CTIF: variants seen among roughly 807,000 people sequenced by gnomAD.
CTIF encodes CBP80/20-dependent translation initiation factor.
A neutral mutation model predicts 66.0 loss-of-function variants in CTIF; 21 were observed. The ratio of observed to expected loss-of-function variants is 0.32; its 90% CI spans 0.23 to 0.46. The LOEUF is 0.46. CTIF is among the 20% of genes least tolerant of loss of function. The pLI is 1.00. For synonymous variants in CTIF, 345 were observed against 326.4 expected (o/e 1.06, Z -0.62); for missense variants, 739 against 812.7 (o/e 0.91, Z 1.10).
intron 6 of CTIF, among the ~76,000 whole-genome samples, chr18:48,697,145 G>T (rs2092019901): frequency 6.6e-6 from 1 of 152,196 alleles, no homozygotes. Context: ...CAGTAAGAAT[G>T]GCCCAACTCT....
chr18:48,854,018 C>G (rs771725965), intron 10 of CTIF, among the ~76,000 whole-genome samples: 2 of 152,192 alleles, frequency 1.3e-5, no homozygotes, highest in African/African-American at 4.8e-5. Context: ...ACCTTCTACC[C>G]TTCCTTTTAA....
At chr18:48,801,965 C>G (rs1282223248) in intron 9 of CTIF, among the ~76,000 whole-genome samples, 3 of 152,262 alleles carry the variant, frequency 2.0e-5, no homozygotes, top group African/African-American at 7.2e-5. Flanking sequence ...GCTTCAGTTT[C>G]TCACATAGCA....
At chr18:48,764,197 C>T (rs899313159) in intron 9 of CTIF, among the ~76,000 whole-genome samples, 10 of 152,230 alleles carry the variant, frequency 6.6e-5, no homozygotes, top group Non-Finnish European at 1.3e-4. Flanking sequence ...CCTGTCCCAG[C>T]ACCTCTCATC....
intron 1 of CTIF, among the ~76,000 whole-genome samples, chr18:48,602,904 G>A (rs2090120275): frequency 6.6e-6 from 1 of 150,532 alleles, no homozygotes; most frequent in African/African-American, 2.5e-5. Context: ...TGGGTGGATG[G>A]ATGGGTGGAT....
At chr18:48,559,370 TAACA>T (rs1568031698) in intron 1 of CTIF, among the ~76,000 whole-genome samples, 1 of 152,098 alleles carries the variant, frequency 6.6e-6, no homozygotes, top group Non-Finnish European at 1.5e-5. Flanking sequence ...CCCCCAATCC[TAACA>T]AACAAAAGAA....
At chr18:48,839,911 TC>T (rs1188573534) in intron 10 of CTIF, among the ~76,000 whole-genome samples, 1 of 152,106 alleles carries the variant, frequency 6.6e-6, no homozygotes, top group Non-Finnish European at 1.5e-5. Context: ...AGCCATGCTT[TC>T]TTTCAAATCC....
At chr18:48,727,760 A>G (rs1471691523) in intron 7 of CTIF, among the ~76,000 whole-genome samples, 1 of 152,192 alleles carries the variant, frequency 6.6e-6, no homozygotes, top group Non-Finnish European at 1.5e-5. Flanking sequence ...ACTGAATAGT[A>G]CTCTGAGGCA....
rs759987049 is a variant in CTIF, at chr18:48,664,537, C to G, written c.417C>G (p.His139Gln). Residue 139 changes from histidine to glutamine, a missense_variant, in exon 5 of 12, where the codon CAC becomes CAG. By Grantham distance (24) the His-to-Gln change is conservative (BLOSUM62 0). Coordinates refer to ENST00000256413, the MANE Select transcript of CTIF (RefSeq NM_014772.3). ...VRHTPKQPLP[H>Q]IDREGCGKGK... ...ACACGCCCAAGCAGCCCCTGCCACA[C>G]ATCGACCGCGAAGGGTAAGGGGTGC... 6.2e-6 allele frequency: 10 copies of G among 1,611,900 alleles called. No homozygotes were observed. The African/African-American group carries it at 1.3e-4, about 22-fold the overall frequency.
intron 10 of CTIF, among the ~76,000 whole-genome samples, chr18:48,830,737 C>CAT (rs1365607060): frequency 2.0e-5 from 3 of 151,562 alleles, no homozygotes; most frequent in African/African-American, 7.3e-5. Context: ...CTCAGACCCC[C>CAT]CCCCGACCAC....
At chr18:48,698,864 G>A (rs983417853) in intron 6 of CTIF, among the ~76,000 whole-genome samples, 4 of 152,194 alleles carry the variant, frequency 2.6e-5, no homozygotes, top group African/African-American at 9.7e-5. Flanking sequence ...CCTTGGTAGA[G>A]TGGAAGTTCC....
chr18:48,664,905 C>CTT (rs1321412907), intron 5 of CTIF, among the ~76,000 whole-genome samples: 3 of 62,686 alleles, frequency 4.8e-5, no homozygotes, highest in Admixed American at 2.4e-4. Flanking sequence ...CTGTGTGTTT[C>CTT]TTTCTTTTTT....
intron 1 of CTIF, among the ~76,000 whole-genome samples, chr18:48,585,133 T>G (rs890783874): frequency 7.9e-5 from 12 of 152,240 alleles, no homozygotes; most frequent in Non-Finnish European, 1.3e-4. Flanking sequence ...GAACAATGTG[T>G]AGCCACATTT....
chr18:48,833,008 G>T (rs1258998340), intron 10 of CTIF, among the ~76,000 whole-genome samples: 4 of 152,082 alleles, frequency 2.6e-5, no homozygotes, highest in Admixed American at 2.6e-4. Flanking sequence ...TACTTTTTTT[G>T]GAAATGTTAG....
chr18:48,598,785 A>G (rs2090034344), intron 1 of CTIF, among the ~76,000 whole-genome samples: 2 of 152,248 alleles, frequency 1.3e-5, no homozygotes, highest in South Asian at 4.1e-4. Context: ...TGAAGTATTC[A>G]GCATGGGCCA....
Position 48,859,413 on chromosome 18 carries a change from C to T in CTIF, c.1651C>T (p.Arg551Trp). The T allele has an allele frequency of 6.2e-7, 1 of 1,614,126 alleles. No individual in the cohort carries two copies. The highest frequency in any genetic ancestry group is 8.5e-7 in the Non-Finnish European group (1 of 1,180,032). Reference sequence around the variant, plus strand: ...GATGACAGAGCTCCTGGCCAGCGCACGGGACAAGATGCTGTGCCCCTCGGA... The same window carrying T: ...GATGACAGAGCTCCTGGCCAGCGCATGGGACAAGATGCTGTGCCCCTCGGA... ...EMMTELLASARDKMLCPSESM... is the reference protein window; with the variant it reads ...EMMTELLASAWDKMLCPSESM... Residue 551 changes from arginine (R) to tryptophan (W), a missense_variant, in exon 12 of 12, where the codon CGG becomes TGG. By Grantham distance (101) the Arg-to-Trp change is moderately radical (BLOSUM62 -3). Coordinates refer to ENST00000256413, the MANE Select transcript of CTIF (RefSeq NM_014772.3).
chr18:48,571,667 T>C (rs140305136), intron 1 of CTIF, among the ~76,000 whole-genome samples: 133 of 152,336 alleles, frequency 8.7e-4, no homozygotes, highest in Non-Finnish European at 1.4e-3. Context: ...TATAATATTC[T>C]ATAGTATGGC....
chr18:48,566,450 C>T (rs576341654), intron 1 of CTIF: 1 of 152,260 alleles, frequency 6.6e-6, no homozygotes, highest in Non-Finnish European at 1.5e-5. Flanking sequence ...AAGGTAAAAC[C>T]CAAAATAGGT....
At chr18:48,598,071 C>T (rs1243983139) in intron 1 of CTIF, among the ~76,000 whole-genome samples, 1 of 152,320 alleles carries the variant, frequency 6.6e-6, no homozygotes, top group African/African-American at 2.4e-5. Flanking sequence ...CCTTAGACTT[C>T]CAGTGGGCCT....
At chr18:48,594,245 G>A (rs903595816) in intron 1 of CTIF, among the ~76,000 whole-genome samples, 3 of 152,146 alleles carry the variant, frequency 2.0e-5, no homozygotes, top group Non-Finnish European at 4.4e-5. Context: ...ACACTCAGAA[G>A]GGTTCATGTT....
Sources: allele counts gnomAD v4.1 joint callset (sites outside exome capture counted in the v4.1 genomes callset), GRCh38; gene constraint gnomAD v4.1.1; transcripts MANE v1.5; gene names NCBI Gene and HGNC (gene_info 2026-07-23, HGNC 2026-07-21).